PPP1R7: variants seen among roughly 807,000 people sequenced by gnomAD.
PPP1R7 encodes protein phosphatase 1 regulatory subunit 22.
Under a neutral mutation model 45.2 loss-of-function variants are expected in PPP1R7, and 18 were observed. The observed-to-expected ratio is 0.40, with a 90% CI of 0.28 to 0.59. PPP1R7 has a LOEUF of 0.59. Among genes scored for constraint, PPP1R7 ranks in the 20% least tolerant of loss-of-function variants. The probability of loss-of-function intolerance (pLI) is 0.46; values close to 1 mark genes in which losing one functional copy is unlikely to be tolerated. For missense variants in PPP1R7, 314 were observed against 455.8 expected (o/e 0.69, Z 2.83); for synonymous variants, 181 against 183.4 (o/e 0.99, Z 0.11).
intron 9 of PPP1R7, among the ~76,000 whole-genome samples, chr2:241,170,218 A>G (rs540442752): frequency 6.6e-6 from 1 of 152,374 alleles, no homozygotes; most frequent in Admixed American, 6.5e-5. Context: ...GGTAGAACCT[A>G]CAATTGTCAT....
chr2:241,155,878 A>T (rs2067445862), intron 2 of PPP1R7, among the ~76,000 whole-genome samples: 1 of 152,048 alleles, frequency 6.6e-6, no homozygotes, highest in East Asian at 1.9e-4. Flanking sequence ...TTTTGAGGTG[A>T]TTTGTTATCT....
intron 8 of PPP1R7, among the ~76,000 whole-genome samples, chr2:241,167,729 C>A (rs1010336478): frequency 6.6e-6 from 1 of 151,934 alleles, no homozygotes; most frequent in Non-Finnish European, 1.5e-5. Context: ...CCAGATTATT[C>A]TTGGGCCTCT....
intron 1 of PPP1R7, among the ~76,000 whole-genome samples, 190 bp downstream of exon 1, chr2:241,150,737 G>A (rs2067253564): frequency 6.6e-6 from 1 of 152,214 alleles, no homozygotes; most frequent in Admixed American, 6.5e-5. Context: ...CCGGCCCGGG[G>A]GCGGCAGCGG....
chr2:241,175,014 G>A (rs2149069200), intron 9 of PPP1R7, among the ~76,000 whole-genome samples: 1 of 152,120 alleles, frequency 6.6e-6, no homozygotes, highest in East Asian at 1.9e-4. Context: ...ACAAAGGCAG[G>A]AGCTCAGCAC....
chr2:241,166,141 A>G (rs2149061898), intron 7 of PPP1R7, among the ~76,000 whole-genome samples, 196 bp from the exon 8 acceptor site: 1 of 150,814 alleles, frequency 6.6e-6, no homozygotes, highest in East Asian at 2.0e-4. Context: ...TGACCTCGTG[A>G]TCTGCCCCAC....
At chr2:241,150,437 G>A, upstream of PPP1R7, 1 of 1,484,978 alleles carries the variant, frequency 6.7e-7, no homozygotes, top group South Asian at 1.3e-5. Context: ...TGAGGCGGGA[G>A]CCCTGATTGG....
At chr2:241,150,328 G>A, upstream of PPP1R7, 1 of 1,326,554 alleles carries the variant, frequency 7.5e-7, no homozygotes, top group African/African-American at 1.5e-5. Context: ...GCGGCGCGCG[G>A]CCTCATGACG....
chr2:241,163,373 T>C lies in PPP1R7; in HGVS notation c.686T>C (p.Leu229Pro). Residue 229 changes from leucine to proline, a missense_variant, in exon 7 of 10, where the codon CTC (leucine) becomes CCC (proline). This residue lies in a region of PPP1R7 where 168 missense variants were observed against 285.3 expected (regional missense o/e 0.59). Coordinates refer to ENST00000234038, the MANE Select transcript of PPP1R7 (RefSeq NM_002712.3). The part of the protein sequence containing the change: ...KITKLQNLDA[L>P]TNLTVLSMQS... ...ACTAAACTTCAGAACCTGGATGCGCTCACCAACCTGACAGTCCTCAGTATG... is the reference window on the plus strand; with the variant it reads ...ACTAAACTTCAGAACCTGGATGCGCCCACCAACCTGACAGTCCTCAGTATG... The C allele has an allele frequency of 6.2e-7, 1 of 1,613,318 alleles. No homozygotes were observed. Among genetic ancestry groups the C allele is most frequent in the Non-Finnish European group, 8.5e-7 (1 of 1,179,326 alleles).
At chr2:241,150,172 T>C (rs997505387), upstream of PPP1R7, 27 of 1,271,936 alleles carry the variant, frequency 2.1e-5, no homozygotes, top group African/African-American at 3.9e-4. Context: ...CCAGGGCGTC[T>C]CTCCACTCTG....
chr2:241,149,590 G>A (rs909529735), upstream of PPP1R7: 6 of 1,479,012 alleles, frequency 4.1e-6, no homozygotes, highest in African/African-American at 8.4e-5. Flanking sequence ...CCCGCGCTAA[G>A]GGTTGCTAGG....
intron 7 of PPP1R7, among the ~76,000 whole-genome samples, chr2:241,166,060 A>G (rs1300981772): frequency 4.2e-5 from 6 of 141,524 alleles, no homozygotes; most frequent in Admixed American, 7.0e-5. Context: ...CCATCATCAC[A>G]CCTGGCTAAT....
intron 7 of PPP1R7, among the ~76,000 whole-genome samples, chr2:241,163,756 A>G (rs924109652): frequency 1.3e-5 from 2 of 152,108 alleles, no homozygotes; most frequent in African/African-American, 4.8e-5. Context: ...GGCATGCACC[A>G]CGACCTTCAG....
intron 9 of PPP1R7, 61 bp downstream of exon 9, chr2:241,169,928 A>G: frequency 1.5e-6 from 2 of 1,314,734 alleles, no homozygotes; most frequent in Non-Finnish European, 2.2e-6. Flanking sequence ...ACTGATTAAA[A>G]TGTCTTATGA....
intron 6 of PPP1R7, 145 bp downstream of exon 6, chr2:241,160,639 T>A: frequency 1.2e-6 from 1 of 805,978 alleles, no homozygotes; most frequent in Admixed American, 3.8e-5. Flanking sequence ...GAAATTACTA[T>A]TTTTTTAAGA....
intron 2 of PPP1R7, 73 bp downstream of exon 2, chr2:241,153,677 T>C: frequency 6.4e-7 from 1 of 1,563,432 alleles, no homozygotes; most frequent in Non-Finnish European, 8.7e-7. Flanking sequence ...GGTCTGGCCC[T>C]GGGTGTGGGT....
In PPP1R7 at chr2:241,173,732, G is replaced by A. The variant is rs557976638; in HGVS notation, c.906+3865G>A. 2.6e-5 allele frequency among the ~76,000 whole-genome samples: 4 copies of A among 152,198 alleles called. No individual in the cohort carries two copies. The South Asian group carries it at 8.3e-4, about 31-fold the overall frequency. On this transcript the variant is annotated intron_variant, in intron 9 of 9. Coordinates refer to ENST00000234038, the MANE Select transcript of PPP1R7 (RefSeq NM_002712.3). ...CACTAGCGAGGCCCCTGAGGCCATT[G>A]CCTCCACCCTGCTCCACCCCTTGGG... is the stretch of plus-strand genomic sequence containing the variant.
chr2:241,159,559 C>T (rs2125487880), intron 5 of PPP1R7, among the ~76,000 whole-genome samples: 1 of 152,238 alleles, frequency 6.6e-6, no homozygotes, highest in East Asian at 1.9e-4. Flanking sequence ...GCTTCCTGAA[C>T]AATCCTGACT....
intron 6 of PPP1R7, among the ~76,000 whole-genome samples, chr2:241,161,640 A>C (rs1307996127): frequency 3.9e-5 from 6 of 152,220 alleles, no homozygotes. Flanking sequence ...AAATAAAAGA[A>C]TTTTGAAAAG....
At chr2:241,165,991 CT>C (rs1230308783) in intron 7 of PPP1R7, among the ~76,000 whole-genome samples, 1 of 151,382 alleles carries the variant, frequency 6.6e-6, no homozygotes, top group South Asian at 2.1e-4. Context: ...CAATCTCCGC[CT>C]CCCGGGTTCA....
Sources: gnomAD v4.1 joint callset for allele counts (sites outside exome capture counted in the v4.1 genomes callset) on GRCh38, gnomAD v4.1.1 for gene constraint, gnomAD v4.1.1 regional missense constraint, MANE v1.5 for transcripts, NCBI Gene and HGNC (gene_info 2026-07-23, HGNC 2026-07-21) for gene names.